Variants in KDM4B observed in about 807,000 individuals in gnomAD.
KDM4B encodes lysine-specific demethylase 4B.
KDM4B carries 32 observed loss-of-function variants against 125.2 expected under a neutral mutation model. That is an observed-to-expected ratio of 0.26 (90% confidence interval 0.19 to 0.34). The LOEUF (loss-of-function observed/expected upper bound fraction) is 0.34. KDM4B is among the 10% of genes least tolerant of loss of function. The pLI is 1.00. For missense variants in KDM4B, 1,190 were observed against 1,577.7 expected (o/e 0.75, Z 4.16); for synonymous variants, 721 against 677.9 (o/e 1.06, Z -0.99).
At position 5,133,939 on chromosome 19, in the gene KDM4B, C is replaced by T; in HGVS notation, c.1963C>T (p.Leu655=). ...DVSDPDALRP[L]LSLQWKNRAA... ...GAGTGACCCGGACGCCTTGAGGCCG[C>T]TGCTGTCTCTGCAGTGGAAGAACAG... Residue 655 remains leucine (L), a synonymous_variant, in exon 14 of 23, where the codon CTG becomes TTG. Transcript: ENST00000159111. 6 of 1,613,110 alleles carry T rather than the reference C, an allele frequency of 3.7e-6. No individual in the cohort carries two copies. The highest frequency in any genetic ancestry group is 4.2e-6 in the Non-Finnish European group (5 of 1,179,948).
intron 11 of KDM4B, among the ~76,000 whole-genome samples, chr19:5,125,891 C>T (rs1208030197): frequency 6.6e-6 from 1 of 151,752 alleles, no homozygotes; most frequent in Non-Finnish European, 1.5e-5. Flanking sequence ...CCCGGGAGCC[C>T]GAAGTCCCAG....
intron 6 of KDM4B, among the ~76,000 whole-genome samples, chr19:5,051,600 C>T (rs1169461529): frequency 2.6e-5 from 4 of 152,238 alleles, no homozygotes; most frequent in Non-Finnish European, 5.9e-5. Flanking sequence ...GAGGAAGGCC[C>T]TCCTGAGGAG....
chr19:4,986,204 G>T (rs940701427), intron 1 of KDM4B, among the ~76,000 whole-genome samples: 11 of 152,204 alleles, frequency 7.2e-5, no homozygotes, highest in Non-Finnish European at 1.3e-4. Context: ...GGGCCAGCAT[G>T]TCTGCGGCCT....
At chr19:5,012,777 G>T (rs1454900533) in intron 1 of KDM4B, among the ~76,000 whole-genome samples, 1 of 152,242 alleles carries the variant, frequency 6.6e-6, no homozygotes, top group Non-Finnish European at 1.5e-5. Context: ...TTGGAGCCGT[G>T]TGGCTGTTGC....
rs1346808812 is a variant in KDM4B at position 5,141,799 on chromosome 19, G to A, written c.2551-2168G>A. Among the ~76,000 whole-genome samples the A allele has an allele frequency of 2.0e-5, 3 of 152,328 alleles. No homozygotes were observed. Among genetic ancestry groups the A allele is most frequent in the African/African-American group, 4.8e-5 (2 of 41,580 alleles). Reference sequence around the variant, plus strand: ...CACCTACCGGCTGGGCAGGTTCCTGGCAGCAGGCAAAAGCACCGGGAGCTC... The same window carrying A: ...CACCTACCGGCTGGGCAGGTTCCTGACAGCAGGCAAAAGCACCGGGAGCTC... On this transcript the variant is annotated intron_variant, in intron 18 of 22. Coordinates refer to ENST00000159111, the MANE Select transcript of KDM4B (RefSeq NM_015015.3). The surrounding 1 kb of genome is among the most constrained non-coding windows in gnomAD (Gnocchi z 6.4).
chr19:5,114,861 G>A lies in KDM4B; in HGVS notation c.1115+4043G>A, dbSNP rs923625944. On this transcript the variant is annotated intron_variant, in intron 10 of 22. Coordinates refer to ENST00000159111, the MANE Select transcript of KDM4B (RefSeq NM_015015.3). This position sits in a 1 kb window ranked among gnomAD's most constrained non-coding sequence, Gnocchi z 5.8. ...GCCTCCTGCCATACAAGCTGCAAAG[G>A]ACACCTGCTTCCACCTTGGAAATAT... is the stretch of plus-strand genomic sequence containing the variant. Among the ~76,000 whole-genome samples the A allele has an allele frequency of 6.6e-6, 1 of 152,246 alleles. No individual in the cohort carries two copies. Among genetic ancestry groups the A allele is most frequent in the Non-Finnish European group, 1.5e-5 (1 of 68,042 alleles).
chr19:5,150,334 C>A (rs922849467), intron 21 of KDM4B, 24 bp from the exon 22 acceptor site: 1 of 1,545,418 alleles, frequency 6.5e-7, no homozygotes, highest in African/African-American at 1.4e-5. Context: ...GTGCCAGGCC[C>A]CTGAGAGCCA....
At chr19:5,041,632 C>T (rs569689912) in intron 5 of KDM4B, among the ~76,000 whole-genome samples, 27 of 152,356 alleles carry the variant, frequency 1.8e-4, no homozygotes, top group African/African-American at 5.1e-4. Flanking sequence ...GGCTCCAACC[C>T]GGTCCTGACT....
Position 5,040,140 on chromosome 19 carries a change from C to A in KDM4B, c.317+129C>A. ...CATGGCCGGCCTGCTCTGTGTGCCC[C>A]GTGTGGGCTGTGGCGACCCCTGCTC... On this transcript the variant is annotated intron_variant, in intron 4 of 22. Transcript: ENST00000159111. The A allele has an allele frequency of 4.7e-6, 5 of 1,064,576 alleles. No individual in the cohort carries two copies. The South Asian group carries it at 8.3e-5, about 18-fold the overall frequency. 65.9% of individuals were successfully genotyped at this position (1,064,576 alleles called of 1,614,324 possible).
chr19:5,108,502 T>G (rs1221616885), intron 9 of KDM4B, among the ~76,000 whole-genome samples: 1 of 152,178 alleles, frequency 6.6e-6, no homozygotes, highest in African/African-American at 2.4e-5. Context: ...AGGCACGAGC[T>G]GCAGGAAATT....
At chr19:5,069,454 C>CAT (rs1568273750) in intron 6 of KDM4B, among the ~76,000 whole-genome samples, 7 of 151,964 alleles carry the variant, frequency 4.6e-5, no homozygotes, top group Non-Finnish European at 1.0e-4. Context: ...GGATTACAGG[C>CAT]GCCTGCCACC....
chr19:5,068,675 G>A (rs1045865142), intron 6 of KDM4B, among the ~76,000 whole-genome samples: 9 of 152,210 alleles, frequency 5.9e-5, no homozygotes, highest in Non-Finnish European at 1.2e-4. Flanking sequence ...GGTGCAGCTC[G>A]CTGTTGGGCA....
chr19:5,091,492 G>A (rs549364542), intron 9 of KDM4B, among the ~76,000 whole-genome samples: 17 of 152,180 alleles, frequency 1.1e-4, no homozygotes, highest in Middle Eastern at 3.4e-3. Context: ...TCCAGGAAAC[G>A]GCCCACTCGG....
rs958149529 is a variant in KDM4B, at chr19:5,152,836, A to C, written c.*1325A>C. The C allele has an allele frequency of 1.3e-5, 2 of 152,266 alleles. No individual in the cohort carries two copies. Among genetic ancestry groups the C allele is most frequent in the Non-Finnish European group, 2.9e-5 (2 of 68,078 alleles). 9.4% of individuals were successfully genotyped at this position (152,266 alleles called of 1,614,324 possible). A position where few individuals can be genotyped will look rare whatever the true frequency, so the allele number is the denominator to read the frequency against. On this transcript the variant is annotated 3_prime_UTR_variant, in exon 23 of 23. Transcript: ENST00000159111. ...ATTAAAAACAAAAAATGGCTGAGGC[A>C]GGAGTTTGGGACCAGCCTGGGCTAT...
At chr19:5,149,921 CCT>C (rs1342001193) in intron 21 of KDM4B, among the ~76,000 whole-genome samples, 4 of 152,256 alleles carry the variant, frequency 2.6e-5, no homozygotes, top group Non-Finnish European at 5.9e-5. Context: ...AGCTCAGGCC[CCT>C]GAGTCCGCCT....
Position 5,133,938 on chromosome 19 carries a change from G to T in KDM4B, c.1962G>T (p.Pro654=), listed in dbSNP as rs778267422. 1 of 1,613,044 alleles carries T rather than the reference G, an allele frequency of 6.2e-7. No individual in the cohort carries two copies. Among genetic ancestry groups the T allele is most frequent in the African/African-American group, 1.3e-5 (1 of 75,052 alleles). Residue 654 remains proline (P), a synonymous_variant, in exon 14 of 23, where the codon CCG becomes CCT. Transcript: ENST00000159111. The part of the protein sequence containing the change: ...EDVSDPDALR[P]LLSLQWKNRA... ...TGAGTGACCCGGACGCCTTGAGGCCGCTGCTGTCTCTGCAGTGGAAGAACA... is the reference window on the plus strand; with the variant it reads ...TGAGTGACCCGGACGCCTTGAGGCCTCTGCTGTCTCTGCAGTGGAAGAACA...
intron 9 of KDM4B, among the ~76,000 whole-genome samples, chr19:5,086,319 T>G (rs2038495463): frequency 6.6e-6 from 1 of 151,580 alleles, no homozygotes; most frequent in Non-Finnish European, 1.5e-5. Flanking sequence ...GTTGGCAAGC[T>G]AGGGCTCGGA....
At chr19:5,099,986 T>A (rs1160827894) in intron 9 of KDM4B, among the ~76,000 whole-genome samples, 2 of 152,250 alleles carry the variant, frequency 1.3e-5, no homozygotes, top group African/African-American at 4.8e-5. Flanking sequence ...GCTGTCTGGG[T>A]GGCGGATAGT....
Position 5,146,751 on chromosome 19 carries a change from A to AAC in KDM4B, c.3021+1849_3021+1850insAC, listed in dbSNP as rs2039852367. Among the ~76,000 whole-genome samples, 11 of 31,994 alleles carry AAC rather than the reference A, an allele frequency of 3.4e-4. 1 individual carries two copies. The highest frequency in any genetic ancestry group is 5.4e-4 in the Non-Finnish European group (9 of 16,794). 21.0% of individuals were successfully genotyped at this position (31,994 alleles called of 152,430 possible). On this transcript the variant is annotated intron_variant, in intron 21 of 22. Transcript: ENST00000159111. ...AGACCAGCCTGGGCAACAAAGTGAG[A>AAC]CCCCCCCCCCCCCCACAATCTCTAC...
Sources: allele counts gnomAD v4.1 joint callset (sites outside exome capture counted in the v4.1 genomes callset), GRCh38; gene constraint gnomAD v4.1.1; non-coding constraint Gnocchi (gnomAD v3.1); transcripts MANE v1.5; gene names NCBI Gene and HGNC (gene_info 2026-07-23, HGNC 2026-07-21).